Variants in ASTN2 observed in about 807,000 individuals in gnomAD.
The protein encoded by ASTN2 is astrotactin-2.
Under a neutral mutation model 139.8 loss-of-function variants are expected in ASTN2, and 54 were observed. That is an observed-to-expected ratio of 0.39 (90% CI 0.31 to 0.48). The LOEUF is 0.48. Among genes scored for constraint, ASTN2 ranks in the 20% least tolerant of loss-of-function variants. The probability of loss-of-function intolerance (pLI) is 0.95; values close to 1 mark genes in which losing one functional copy is unlikely to be tolerated. For synonymous variants in ASTN2, 756 were observed against 719.5 expected, an observed-to-expected ratio of 1.05 and a Z score of -0.81; for missense variants, 1,565 against 1,725.1, an observed-to-expected ratio of 0.91 and a Z score of 1.64.
intron 10 of ASTN2, among the ~76,000 whole-genome samples, chr9:116,896,717 C>T (rs1035093765): frequency 6.6e-6 from 1 of 152,134 alleles, no homozygotes; most frequent in African/African-American, 2.4e-5. Context: ...GAAGGGGAAG[C>T]AGGGACGTCT....
chr9:116,955,200 A>C (rs1344738669), intron 10 of ASTN2, among the ~76,000 whole-genome samples: 1 of 152,244 alleles, frequency 6.6e-6, no homozygotes, highest in Non-Finnish European at 1.5e-5. Context: ...CAACATAAGA[A>C]TATAAAGTGT....
At position 117,043,029 on chromosome 9, in the gene ASTN2, C is replaced by T. The variant is rs193093345; in HGVS notation, c.1277-3064G>A. ...AGGGTTATAGGCACACACCACCACACCCAGCTAATTTTTGTATTTTTAGTA... is the reference window on the plus strand; with the variant it reads ...AGGGTTATAGGCACACACCACCACATCCAGCTAATTTTTGTATTTTTAGTA... On this transcript the variant is annotated intron_variant, in intron 5 of 22. Coordinates refer to ENST00000313400, the MANE Select transcript of ASTN2 (RefSeq NM_001365068.1). Among the ~76,000 whole-genome samples, 800 of 152,194 alleles carry T rather than the reference C, an allele frequency of 5.3e-3. 1 individual carries two copies. Among genetic ancestry groups the T allele is most frequent in the Non-Finnish European group, 9.4e-3 (636 of 67,980 alleles).
rs541105725 is a variant in ASTN2 at position 116,750,470 on chromosome 9, C to T, written c.2397-16947G>A. ...CCTTAGAAGTCTTTCCATATAGCCA[C>T]CTCTAATGAGCTTTGCAAAATGAGA... On this transcript the variant is annotated intron_variant, in intron 13 of 22. Transcript: ENST00000313400. 5.9e-5 allele frequency among the ~76,000 whole-genome samples: 9 copies of T among 152,196 alleles called. No homozygotes were observed. In the South Asian group the frequency reaches 1.7e-3, roughly 28 times the overall value.
intron 3 of ASTN2, among the ~76,000 whole-genome samples, chr9:117,186,856 C>A (rs34212202): frequency 0.035 from 5,308 of 152,130 alleles, 137 homozygotes; most frequent in Non-Finnish European, 0.054. Flanking sequence ...GAAGGCCGGG[C>A]GAAGTGGCTC....
intron 1 of ASTN2, among the ~76,000 whole-genome samples, chr9:117,363,954 G>T (rs1316725337): frequency 6.6e-6 from 1 of 152,134 alleles, no homozygotes; most frequent in Non-Finnish European, 1.5e-5. Context: ...GGGCTGTTTT[G>T]TTTTGTATCC....
intron 7 of ASTN2, among the ~76,000 whole-genome samples, chr9:116,995,547 T>C (rs918017465): frequency 2.0e-5 from 3 of 152,192 alleles, no homozygotes; most frequent in Non-Finnish European, 4.4e-5. Flanking sequence ...ATCTTTGCCT[T>C]TATAAGGCAC....
At chr9:117,157,897 G>T (rs953392498) in intron 3 of ASTN2, among the ~76,000 whole-genome samples, 46 of 152,060 alleles carry the variant, frequency 3.0e-4, no homozygotes, top group African/African-American at 1.1e-3. Flanking sequence ...ACTTAAGAAA[G>T]ATCAGTGTAA....
chr9:116,634,372 C>T (rs1285827899), intron 17 of ASTN2, among the ~76,000 whole-genome samples: 1 of 151,892 alleles, frequency 6.6e-6, no homozygotes, highest in Non-Finnish European at 1.5e-5. Context: ...GGGCGGATCA[C>T]GAGGTCAGGA....
chr9:116,775,670 AGAG>A (rs2132193734), intron 13 of ASTN2, among the ~76,000 whole-genome samples: 1 of 97,582 alleles, frequency 1.0e-5, no homozygotes, highest in Middle Eastern at 5.2e-3. Context: ...AAGGAGGGTG[AGAG>A]GGAGGGAGGG....
chr9:116,614,328 C>T (rs1031136232), intron 19 of ASTN2, among the ~76,000 whole-genome samples: 1 of 152,122 alleles, frequency 6.6e-6, no homozygotes, highest in Non-Finnish European at 1.5e-5. Flanking sequence ...GTGCCATCCC[C>T]AGCAAGCTAC....
At chr9:116,686,828 G>GCT (rs1860246892) in intron 16 of ASTN2, 9 of 1,550,314 alleles carry the variant, frequency 5.8e-6, no homozygotes, top group African/African-American at 1.4e-5. Context: ...CTCTAGTGCA[G>GCT]CTCTCTGTCA....
intron 2 of ASTN2, among the ~76,000 whole-genome samples, chr9:117,234,326 G>T (rs559849037): frequency 1.3e-5 from 2 of 152,048 alleles, no homozygotes; most frequent in Admixed American, 1.3e-4. Flanking sequence ...TGGCATATTC[G>T]GACCACCTTA....
chr9:117,388,529 A>T (rs1008251576), intron 1 of ASTN2, among the ~76,000 whole-genome samples: 1 of 152,212 alleles, frequency 6.6e-6, no homozygotes, highest in Non-Finnish European at 1.5e-5. Flanking sequence ...CAGCAATTCT[A>T]TCCTTCCATG....
At chr9:117,189,808 A>G (rs1357613888) in intron 3 of ASTN2, among the ~76,000 whole-genome samples, 1 of 152,142 alleles carries the variant, frequency 6.6e-6, no homozygotes, top group Non-Finnish European at 1.5e-5. Flanking sequence ...CCTGGCTGGT[A>G]AAACAAAACT....
intron 3 of ASTN2, among the ~76,000 whole-genome samples, chr9:117,169,835 AG>A (rs1388464533): frequency 3.9e-5 from 6 of 152,132 alleles, no homozygotes; most frequent in African/African-American, 1.4e-4. Context: ...TCCCAACAAA[AG>A]CAAGGAGGAG....
At chr9:117,029,365 A>G (rs1471844287) in intron 6 of ASTN2, among the ~76,000 whole-genome samples, 1 of 152,134 alleles carries the variant, frequency 6.6e-6, no homozygotes, top group East Asian at 1.9e-4. Context: ...CCTCCCTGGG[A>G]AGCCTGCAAT....
At chr9:116,794,026 C>T (rs1830622795) in intron 13 of ASTN2, among the ~76,000 whole-genome samples, 1 of 151,252 alleles carries the variant, frequency 6.6e-6, no homozygotes, top group African/African-American at 2.4e-5. Flanking sequence ...TTTTGAGCCA[C>T]ACATCAAATA....
At chr9:117,277,631 A>G (rs1043683229) in intron 2 of ASTN2, among the ~76,000 whole-genome samples, 2 of 152,200 alleles carry the variant, frequency 1.3e-5, no homozygotes, top group African/African-American at 4.8e-5. Context: ...CCAACAGTAA[A>G]CAGGAGAAAA....
At chr9:117,331,367 T>C (rs1274920031) in intron 1 of ASTN2, among the ~76,000 whole-genome samples, 1 of 152,132 alleles carries the variant, frequency 6.6e-6, no homozygotes, top group Non-Finnish European at 1.5e-5. Flanking sequence ...AGAGGGGCTT[T>C]GGAAAGGGAC....
Sources: gnomAD v4.1 joint callset for allele counts (sites outside exome capture counted in the v4.1 genomes callset) on GRCh38, gnomAD v4.1.1 for gene constraint, MANE v1.5 for transcripts, NCBI Gene and HGNC (gene_info 2026-07-23, HGNC 2026-07-21) for gene names.